ITPR2: variants seen among roughly 807,000 people sequenced by gnomAD.
The protein encoded by ITPR2 is inositol 1,4,5-trisphosphate-gated calcium channel ITPR2.
ITPR2 carries 207 observed loss-of-function variants against 317.1 expected under a neutral mutation model. That is an observed-to-expected ratio of 0.65 (90% CI 0.58 to 0.73). ITPR2 has a LOEUF of 0.73. Among genes scored for constraint, ITPR2 ranks in the 30% least tolerant of loss-of-function variants. ITPR2 has a pLI of 0.00. For missense variants in ITPR2, 2,613 were observed against 3,284.0 expected, an observed-to-expected ratio of 0.80 and a Z score of 4.99; for synonymous variants, 1,156 against 1,149.1, an observed-to-expected ratio of 1.01 and a Z score of -0.12.
At position 26,685,789 on chromosome 12, in the gene ITPR2, G is replaced by A. The variant is rs114862703; in HGVS notation, c.1148+692C>T. Among the ~76,000 whole-genome samples, 449 of 152,046 alleles carry A rather than the reference G, an allele frequency of 3.0e-3. 2 individuals are homozygous for A. The highest frequency in any genetic ancestry group is 0.01 in the African/African-American group (430 of 41,470). On this transcript the variant is annotated intron_variant, in intron 11 of 56. Transcript: ENST00000381340. ...TAAATTTCAACATTTTTCATTTCGT[G>A]TTCCTGCTGCTTGAAATGTTCCTCC...
At chr12:26,491,914 T>C (rs1050068509) in intron 39 of ITPR2, among the ~76,000 whole-genome samples, 9 of 152,180 alleles carry the variant, frequency 5.9e-5, no homozygotes, top group African/African-American at 1.4e-4. Context: ...CCACTAAATA[T>C]TCTGGAAGAC....
intron 39 of ITPR2, among the ~76,000 whole-genome samples, chr12:26,493,600 A>C (rs1257047969): frequency 6.6e-6 from 1 of 152,232 alleles, no homozygotes; most frequent in Admixed American, 6.5e-5. Context: ...TAAACATTTG[A>C]GGTGAAAGAT....
At chr12:26,457,684 C>T (rs1941925057) in intron 45 of ITPR2, among the ~76,000 whole-genome samples, 1 of 152,168 alleles carries the variant, frequency 6.6e-6, no homozygotes, top group Admixed American at 6.5e-5. Flanking sequence ...AGGGCAGTCA[C>T]AGACGTGGCT....
intron 35 of ITPR2, among the ~76,000 whole-genome samples, chr12:26,557,461 G>T (rs1442972866): frequency 6.6e-6 from 1 of 152,230 alleles, no homozygotes; most frequent in African/African-American, 2.4e-5. Flanking sequence ...GACATCAGGT[G>T]AAGTCAGCTG....
chr12:26,414,048 TGTACAC>T (rs1407053243), intron 51 of ITPR2, among the ~76,000 whole-genome samples: 85 of 49,012 alleles, frequency 1.7e-3, no homozygotes, highest in African/African-American at 3.8e-3. Context: ...CATGTATATA[TGTACAC>T]ACACACACAC....
intron 16 of ITPR2, among the ~76,000 whole-genome samples, chr12:26,658,791 T>C (rs183761014): frequency 2.7e-4 from 41 of 152,302 alleles, no homozygotes; most frequent in African/African-American, 9.9e-4. Flanking sequence ...GATAATAATA[T>C]ACAACCAGTG....
At position 26,578,848 on chromosome 12, in the gene ITPR2, A is replaced by T. The variant is rs770338176; in HGVS notation, c.4510-15T>A. 62 of 1,593,586 alleles carry T rather than the reference A, an allele frequency of 3.9e-5. No individual in the cohort carries two copies. Among genetic ancestry groups the T allele is most frequent in the Middle Eastern group, 3.3e-4 (2 of 6,002 alleles). On this transcript the variant is annotated splice_polypyrimidine_tract_variant and intron_variant, in intron 33 of 56. Transcript: ENST00000381340. ...GGCTGATGTGTCTAAAACCAGAAAG[A>T]AGGTAGGCAAAAAGAGATGCTAAAC... is the stretch of plus-strand genomic sequence containing the variant.
At chr12:26,420,390 C>T (rs11048507) in intron 49 of ITPR2, among the ~76,000 whole-genome samples, 60,949 of 151,894 alleles carry the variant, frequency 0.4, 13,773 homozygotes, top group Non-Finnish European at 0.53. Context: ...AACAAATTAT[C>T]GAATGATTTT....
At chr12:26,518,220 A>T (rs1173862354) in intron 37 of ITPR2, among the ~76,000 whole-genome samples, 2 of 152,234 alleles carry the variant, frequency 1.3e-5, no homozygotes, top group Non-Finnish European at 2.9e-5. Context: ...CCTTTGCAGC[A>T]ACATGGATGG....
At position 26,681,873 on chromosome 12, in the gene ITPR2, C is replaced by CTCA; in HGVS notation, c.1409_1409+1insTGA (p.Arg470delinsSerGlu). 1.2e-6 allele frequency: 2 copies of CTCA among 1,604,384 alleles called. No individual in the cohort carries two copies. The highest frequency in any genetic ancestry group is 1.7e-6 in the Non-Finnish European group (2 of 1,172,746). ...TATTTAAGACCAATTTAAAGAGTTA[C>CTCA]CTCCTTTCATTCTGAGTTATTGTGC... On this transcript the variant is annotated protein_altering_variant and splice_region_variant. Coordinates refer to ENST00000381340, the MANE Select transcript of ITPR2 (RefSeq NM_002223.4).
Position 26,339,411 on chromosome 12 carries a change from T to G in ITPR2, c.8092A>C (p.Met2698Leu), listed in dbSNP as rs1186448133. The G allele has an allele frequency of 1.2e-6, 2 of 1,613,492 alleles. No homozygotes were observed. The highest frequency in any genetic ancestry group is 1.7e-6 in the Non-Finnish European group (2 of 1,179,634). ...CCCCCATGGTATCAGTGTGGTGGCATGTGATGATTCACATGGGGTGTGTTT... is the reference window on the plus strand; with the variant it reads ...CCCCCATGGTATCAGTGTGGTGGCAGGTGATGATTCACATGGGGTGTGTTT... Reference protein sequence around the residue: ...GSNTPHVNHHMPPH With the variant: ...GSNTPHVNHHLPPH Residue 2698 changes from methionine (M) to leucine (L), a missense_variant, in exon 57 of 57, where the codon ATG becomes CTG. Physicochemically the swap from Met to Leu is conservative, Grantham distance 15. Around this residue, in one of 9 missense-constraint regions of ITPR2, gnomAD observed 119 missense variants for 144.3 expected, o/e 0.82. Coordinates refer to ENST00000381340, the MANE Select transcript of ITPR2 (RefSeq NM_002223.4).
chr12:26,578,453 C>T (rs1303962439), intron 34 of ITPR2, among the ~76,000 whole-genome samples: 1 of 152,046 alleles, frequency 6.6e-6, no homozygotes, highest in Non-Finnish European at 1.5e-5. Flanking sequence ...TAACTAAAAT[C>T]CTCTAAAATC....
intron 1 of ITPR2, among the ~76,000 whole-genome samples, chr12:26,793,658 T>A (rs1950381207): frequency 6.6e-6 from 1 of 152,218 alleles, no homozygotes; most frequent in Admixed American, 6.5e-5. Context: ...GCATTATGCT[T>A]AAAATATAGA....
chr12:26,816,519 T>C (rs1222501762), intron 1 of ITPR2, among the ~76,000 whole-genome samples: 1 of 152,218 alleles, frequency 6.6e-6, no homozygotes, highest in Non-Finnish European at 1.5e-5. Flanking sequence ...TCCCTCAACA[T>C]ACTTCTTGAG....
At chr12:26,434,178 G>A (rs1470798571) in intron 48 of ITPR2, among the ~76,000 whole-genome samples, 1 of 152,068 alleles carries the variant, frequency 6.6e-6, no homozygotes, top group Non-Finnish European at 1.5e-5. Flanking sequence ...AATACCTGGT[G>A]AGCTTATTAA....
At chr12:26,365,814 A>C (rs1938991079) in intron 55 of ITPR2, among the ~76,000 whole-genome samples, 1 of 152,258 alleles carries the variant, frequency 6.6e-6, no homozygotes, top group South Asian at 2.1e-4. Flanking sequence ...GAGCGTGCAA[A>C]GGAAAAGTCT....
chr12:26,383,121 T>C (rs897808127), intron 55 of ITPR2, among the ~76,000 whole-genome samples: 1 of 152,118 alleles, frequency 6.6e-6, no homozygotes, highest in Non-Finnish European at 1.5e-5. Context: ...GACTTAGTTG[T>C]TAAAGACTTC....
At chr12:26,739,481 C>T (rs1343037741) in intron 2 of ITPR2, among the ~76,000 whole-genome samples, 2 of 152,172 alleles carry the variant, frequency 1.3e-5, no homozygotes, top group Non-Finnish European at 2.9e-5. Context: ...CAAATACTGA[C>T]ACATGCAGTA....
chr12:26,542,470 G>A (rs1368997182), intron 37 of ITPR2, among the ~76,000 whole-genome samples: 4 of 152,156 alleles, frequency 2.6e-5, no homozygotes, highest in Non-Finnish European at 2.9e-5. Context: ...CTATACCTCA[G>A]TTTCCTAACC....
Sources: allele counts gnomAD v4.1 joint callset (sites outside exome capture counted in the v4.1 genomes callset), GRCh38; gene constraint gnomAD v4.1.1; regional missense constraint gnomAD v4.1.1; transcripts MANE v1.5; gene names NCBI Gene and HGNC (gene_info 2026-07-23, HGNC 2026-07-21).